The following PCDHGB1 variants were observed in gnomAD, a reference collection of about 807,000 sequenced individuals.
PCDHGB1 encodes protocadherin gamma subfamily B, 1.
PCDHGB1 carries 34 observed loss-of-function variants against 56.6 expected under a neutral mutation model. The observed-to-expected ratio is 0.60, with a 90% CI of 0.46 to 0.80. The LOEUF (loss-of-function observed/expected upper bound fraction) is 0.80, where lower values mean the gene tolerates loss of function less well. Among genes scored for constraint, PCDHGB1 ranks in the 30% least tolerant of loss-of-function variants. The probability of loss-of-function intolerance (pLI) is 0.00; values close to 1 mark genes in which losing one functional copy is unlikely to be tolerated. For synonymous variants in PCDHGB1, 561 were observed against 505.9 expected (o/e 1.11, Z -1.46); for missense variants, 1,278 against 1,204.6 (o/e 1.06, Z -0.90).
intron 1 of PCDHGB1, chr5:141,364,410 G>A (rs2149857737): frequency 6.2e-7 from 1 of 1,612,210 alleles, no homozygotes; most frequent in Admixed American, 1.7e-5. Flanking sequence ...TGCGAGCCAG[G>A]ATCCGGGCAG....
rs948944459 is a variant in PCDHGB1 at position 141,476,485 on chromosome 5, G to T, written c.2410-18322G>T. 1 of 1,614,076 alleles carries T rather than the reference G, an allele frequency of 6.2e-7. No individual in the cohort carries two copies. The highest frequency in any genetic ancestry group is 8.5e-7 in the Non-Finnish European group (1 of 1,180,016). ...CGCTGGAGCTGTTCAGCGTGGAAGT[G>T]GTGATCCAGGACATCAACGACAACA... is the stretch of plus-strand genomic sequence containing the variant. On this transcript the variant is annotated intron_variant, in intron 1 of 3. Coordinates refer to ENST00000523390, the MANE Select transcript of PCDHGB1 (RefSeq NM_018922.3). The surrounding 1 kb of genome is among the most constrained non-coding windows in gnomAD (Gnocchi z 7.6).
At chr5:141,413,622 T>C (rs1561743710) in intron 1 of PCDHGB1, 2 of 1,613,760 alleles carry the variant, frequency 1.2e-6, no homozygotes, top group Non-Finnish European at 1.7e-6. Flanking sequence ...TTAATGAAAA[T>C]GTCGCTGCGG....
intron 1 of PCDHGB1, among the ~76,000 whole-genome samples, chr5:141,425,485 A>G (rs2096878362): frequency 6.6e-6 from 1 of 152,274 alleles, no homozygotes; most frequent in Non-Finnish European, 1.5e-5. Context: ...ATGGCAACCT[A>G]CTAGGCTATA....
intron 1 of PCDHGB1, among the ~76,000 whole-genome samples, chr5:141,401,860 A>G (rs2094201565): frequency 6.6e-6 from 1 of 152,182 alleles, no homozygotes. Flanking sequence ...TTAACCTTTC[A>G]GTAGTTTTCT....
Position 141,352,587 on chromosome 5 carries a change from T to C in PCDHGB1, c.2327T>C (p.Leu776Pro). 6.2e-7 allele frequency: 1 copy of C among 1,613,654 alleles called. No homozygotes were observed. Among genetic ancestry groups the C allele is most frequent in the Non-Finnish European group, 8.5e-7 (1 of 1,179,612 alleles). Residue 776 changes from leucine to proline, a missense_variant, in exon 1 of 4, where the codon CTG becomes CCG. Coordinates refer to ENST00000523390, the MANE Select transcript of PCDHGB1 (RefSeq NM_018922.3). ...CCGGAAATGGCTCCCCCTCAGGATC[T>C]GCTGTGTGATGATCCTTCTATGGTT... ...LTPEMAPPQDLLCDDPSMVVC... is the reference protein window; with the variant it reads ...LTPEMAPPQDPLCDDPSMVVC...
intron 1 of PCDHGB1, chr5:141,430,690 G>A: frequency 1.4e-6 from 2 of 1,410,426 alleles, no homozygotes; most frequent in Non-Finnish European, 1.9e-6. Flanking sequence ...CCCATTCTAT[G>A]GGCGAAGGAA....
At chr5:141,468,402 T>A (rs2154569909) in intron 1 of PCDHGB1, 1 of 150,014 alleles carries the variant, frequency 6.7e-6, no homozygotes, top group East Asian at 2.0e-4. Context: ...TGGTGAGAAC[T>A]AATAATAAGT....
Position 141,431,478 on chromosome 5 carries a change from C to T in PCDHGB1, c.2410-63329C>T, listed in dbSNP as rs1163422580. On this transcript the variant is annotated intron_variant, in intron 1 of 3. Coordinates refer to ENST00000523390, the MANE Select transcript of PCDHGB1 (RefSeq NM_018922.3). The surrounding 1 kb of genome is among the most constrained non-coding windows in gnomAD (Gnocchi z 4.8). ...GTTCTGGATGCGAACGACAACGCAC[C>T]AGCGTTTGCTCAGCCCGAGTACCGC... The T allele has an allele frequency of 6.2e-7, 1 of 1,613,748 alleles. No individual in the cohort carries two copies. The highest frequency in any genetic ancestry group is 8.5e-7 in the Non-Finnish European group (1 of 1,179,976).
chr5:141,372,129 C>G (rs62620756), intron 1 of PCDHGB1: 1 of 1,613,624 alleles, frequency 6.2e-7, no homozygotes, highest in Non-Finnish European at 8.5e-7. Context: ...CGATATGGTG[C>G]CGCGCTCTGC....
chr5:141,363,872 T>G (rs1338866734), intron 1 of PCDHGB1, among the ~76,000 whole-genome samples: 1 of 152,152 alleles, frequency 6.6e-6, no homozygotes, highest in African/African-American at 2.4e-5. Flanking sequence ...AAGAGGTAAA[T>G]AAAGGACATA....
chr5:141,469,376 A>T (rs572466149), intron 1 of PCDHGB1, among the ~76,000 whole-genome samples: 1 of 152,232 alleles, frequency 6.6e-6, no homozygotes, highest in East Asian at 1.9e-4. Flanking sequence ...AGAGATCGAG[A>T]CCATCCTGGC....
chr5:141,398,067 C>T, intron 1 of PCDHGB1: 1 of 1,577,626 alleles, frequency 6.3e-7, no homozygotes, highest in Non-Finnish European at 8.6e-7. Flanking sequence ...ATCTACAATA[C>T]AGAGGTTATT....
At chr5:141,385,262 A>C (rs746220376) in intron 1 of PCDHGB1, 5 of 1,613,732 alleles carry the variant, frequency 3.1e-6, no homozygotes, top group Non-Finnish European at 4.2e-6. Flanking sequence ...TGTGAGAAAA[A>C]TGATTCTTTG....
chr5:141,418,433 C>A (rs761824602), intron 1 of PCDHGB1: 6 of 1,613,820 alleles, frequency 3.7e-6, no homozygotes, highest in South Asian at 3.3e-5. Flanking sequence ...TGGCAAATAT[C>A]CAGAATTAGT....
At chr5:141,468,652 G>A (rs1206892693) in intron 1 of PCDHGB1, 2 of 149,062 alleles carry the variant, frequency 1.3e-5, no homozygotes, top group African/African-American at 2.5e-5. Context: ...GGATCACAAG[G>A]TCAGGAGATC....
intron 1 of PCDHGB1, chr5:141,423,694 T>C (rs1008861889): frequency 1.3e-6 from 2 of 1,501,552 alleles, no homozygotes; most frequent in Middle Eastern, 1.8e-4. Flanking sequence ...TAATTGTTGG[T>C]GTCTTGGCAC....
At chr5:141,449,369 G>A (rs561017816) in intron 1 of PCDHGB1, among the ~76,000 whole-genome samples, 4 of 152,068 alleles carry the variant, frequency 2.6e-5, no homozygotes, top group South Asian at 4.2e-4. Flanking sequence ...CACTTTGGGA[G>A]GCTGAGGCAG....
rs1459105534 is a variant in PCDHGB1 at position 141,366,603 on chromosome 5, C to T, written c.2409+13934C>T. 5 of 1,614,108 alleles carry T rather than the reference C, an allele frequency of 3.1e-6. No homozygotes were observed. The Admixed American group carries it at 8.3e-5, about 27-fold the overall frequency. ...CTGCAGACCTATTCCCACGAGGTCT[C>T]CCTCACCGCGGACTCGAGGAAGAGT... is the stretch of plus-strand genomic sequence containing the variant. On this transcript the variant is annotated intron_variant, in intron 1 of 3. Transcript: ENST00000523390.
rs150878327 is a variant in PCDHGB1 at position 141,438,347 on chromosome 5, C to A, written c.2410-56460C>A. On this transcript the variant is annotated intron_variant, in intron 1 of 3. Coordinates refer to ENST00000523390, the MANE Select transcript of PCDHGB1 (RefSeq NM_018922.3). ...CTTATACATGTCATATAAGGATCTACTCTGTGTATTGTCATTGAGGGCAGA... is the reference window on the plus strand; with the variant it reads ...CTTATACATGTCATATAAGGATCTAATCTGTGTATTGTCATTGAGGGCAGA... Among the ~76,000 whole-genome samples the A allele has an allele frequency of 3.9e-3, 588 of 151,848 alleles. 6 individuals are homozygous for A. Among genetic ancestry groups the A allele is most frequent in the Admixed American group, 0.011 (169 of 15,256 alleles).
Sources: allele counts gnomAD v4.1 joint callset (sites outside exome capture counted in the v4.1 genomes callset), GRCh38; gene constraint gnomAD v4.1.1; non-coding constraint Gnocchi (gnomAD v3.1); transcripts MANE v1.5; gene names NCBI Gene and HGNC (gene_info 2026-07-23, HGNC 2026-07-21).